Variants in RUNDC3B observed in about 807,000 individuals in gnomAD.
RUNDC3B encodes the protein RUN domain containing 3B, also known as RUN domain-containing protein 3B.
In RUNDC3B, 33 loss-of-function variants were observed where a neutral mutation model predicts 58.4. The observed-to-expected ratio is 0.56, with a 90% CI of 0.43 to 0.75. RUNDC3B has a LOEUF of 0.75. Among genes scored for constraint, RUNDC3B ranks in the 30% least tolerant of loss-of-function variants. RUNDC3B has a pLI of 0.00. For missense variants in RUNDC3B, 501 were observed against 535.7 expected, an observed-to-expected ratio of 0.94 and a Z score of 0.64; for synonymous variants, 193 against 195.2, an observed-to-expected ratio of 0.99 and a Z score of 0.10.
At chr7:87,766,947 T>G (rs1489448683) in intron 6 of RUNDC3B, among the ~76,000 whole-genome samples, 5 of 152,156 alleles carry the variant, frequency 3.3e-5, no homozygotes, top group Non-Finnish European at 7.4e-5. Context: ...TTTTTAATTT[T>G]TTTTCTTTTT....
At chr7:87,783,193 G>A (rs757259578) in intron 8 of RUNDC3B, among the ~76,000 whole-genome samples, 6 of 151,766 alleles carry the variant, frequency 4.0e-5, no homozygotes, top group Non-Finnish European at 8.8e-5. Context: ...GTGTGTGTGT[G>A]TGTATATGAC....
At chr7:87,630,853 T>G (rs932447981) in intron 1 of RUNDC3B, among the ~76,000 whole-genome samples, 1 of 152,132 alleles carries the variant, frequency 6.6e-6, no homozygotes, top group Non-Finnish European at 1.5e-5. Flanking sequence ...CAGAGACAGT[T>G]GAAAAGAAAA....
chr7:87,823,198 G>T (rs1447054354), intron 10 of RUNDC3B, among the ~76,000 whole-genome samples: 3 of 151,864 alleles, frequency 2.0e-5, no homozygotes, highest in Admixed American at 2.0e-4. Flanking sequence ...GCAAACCTCT[G>T]GCCTTCCAAG....
intron 1 of RUNDC3B, 192 bp downstream of exon 1, chr7:87,629,137 G>C (rs1457269600): frequency 1.8e-5 from 8 of 451,190 alleles, no homozygotes. Flanking sequence ...CGCAGCCCTG[G>C]ACTTTGTGTC....
chr7:87,759,854 A>G (rs1477855126), intron 6 of RUNDC3B, among the ~76,000 whole-genome samples: 5 of 151,930 alleles, frequency 3.3e-5, no homozygotes, highest in Non-Finnish European at 1.5e-5. Context: ...TGATTATTAC[A>G]TATTAAATGC....
In RUNDC3B at chr7:87,816,152, A is replaced by T; in HGVS notation, c.1115A>T (p.Gln372Leu). 6.2e-7 allele frequency: 1 copy of T among 1,603,692 alleles called. No homozygotes were observed. Among genetic ancestry groups the T allele is most frequent in the Non-Finnish European group, 8.5e-7 (1 of 1,173,252 alleles). Residue 372 changes from glutamine (Q) to leucine (L), a missense_variant, in exon 10 of 11, where the codon CAA becomes CTA. Coordinates refer to ENST00000394654, the MANE Select transcript of RUNDC3B (RefSeq NM_001134405.2). ...HNKQWYEKSY[Q>L]SLDQLSAEVS... ...TCCTTGCTTTACAGGAAAAGTTATC[A>T]AAGTCTTGACCAGTTATCAGCAGAA...
At chr7:87,715,371 AATT>A (rs1315052195) in intron 4 of RUNDC3B, among the ~76,000 whole-genome samples, 1 of 128,274 alleles carries the variant, frequency 7.8e-6, no homozygotes, top group African/African-American at 3.0e-5. Flanking sequence ...AATTTATAAT[AATT>A]ATATAATCAA....
chr7:87,770,098 T>C (rs1280200410), intron 6 of RUNDC3B, among the ~76,000 whole-genome samples: 1 of 152,036 alleles, frequency 6.6e-6, no homozygotes, highest in Non-Finnish European at 1.5e-5. Flanking sequence ...TGTTGTTATC[T>C]TCTCTTTGCT....
intron 4 of RUNDC3B, among the ~76,000 whole-genome samples, chr7:87,736,003 T>C (rs1047274919): frequency 1.3e-5 from 2 of 152,192 alleles, no homozygotes; most frequent in Admixed American, 1.3e-4. Flanking sequence ...AATCTCACAT[T>C]CTTGGCAAGA....
chr7:87,697,728 G>A (rs1215721030), intron 2 of RUNDC3B, among the ~76,000 whole-genome samples: 1 of 152,136 alleles, frequency 6.6e-6, no homozygotes, highest in Admixed American at 6.5e-5. Context: ...GCACATACAT[G>A]ATCACATCTA....
intron 4 of RUNDC3B, among the ~76,000 whole-genome samples, chr7:87,728,039 T>G (rs571368216): frequency 1.3e-5 from 2 of 152,132 alleles, no homozygotes; most frequent in Non-Finnish European, 2.9e-5. Context: ...TTCATCTAAT[T>G]TAAGCATTTG....
intron 2 of RUNDC3B, among the ~76,000 whole-genome samples, chr7:87,685,280 C>G (rs1217111760): frequency 6.6e-6 from 1 of 152,038 alleles, no homozygotes; most frequent in Non-Finnish European, 1.5e-5. Flanking sequence ...ATGCAAAGAG[C>G]TGAACAGATA....
intron 6 of RUNDC3B, among the ~76,000 whole-genome samples, chr7:87,760,905 T>A (rs1264895471): frequency 2.0e-5 from 3 of 151,968 alleles, no homozygotes; most frequent in African/African-American, 7.2e-5. Flanking sequence ...AAATTTTTCA[T>A]AACCCTGAGT....
Position 87,654,163 on chromosome 7 carries a change from C to T in RUNDC3B, c.238+3226C>T, listed in dbSNP as rs78969207. On this transcript the variant is annotated intron_variant, in intron 2 of 10. Transcript: ENST00000394654. ...ATGTTTATATTAACAATCTACCCAACATAATCTACAGGTTCACTGAAATCT... is the reference window on the plus strand; with the variant it reads ...ATGTTTATATTAACAATCTACCCAATATAATCTACAGGTTCACTGAAATCT... 7.0e-3 allele frequency among the ~76,000 whole-genome samples: 1,064 copies of T among 151,842 alleles called. 8 individuals are homozygous for T. Among genetic ancestry groups the T allele is most frequent in the East Asian group, 0.049 (254 of 5,180 alleles).
chr7:87,783,294 G>C (rs1005841032), intron 8 of RUNDC3B, among the ~76,000 whole-genome samples: 13 of 152,004 alleles, frequency 8.6e-5, no homozygotes, highest in East Asian at 3.8e-4. Context: ...TTTCTTTAAA[G>C]TATGCTTTAT....
At chr7:87,803,026 CATA>C (rs1836255584) in intron 8 of RUNDC3B, among the ~76,000 whole-genome samples, 1 of 152,042 alleles carries the variant, frequency 6.6e-6, no homozygotes, top group Non-Finnish European at 1.5e-5. Context: ...GTTTAAAAAA[CATA>C]AGAAAAATTA....
intron 4 of RUNDC3B, among the ~76,000 whole-genome samples, chr7:87,718,572 T>C (rs1393641883): frequency 6.6e-6 from 1 of 152,138 alleles, no homozygotes; most frequent in African/African-American, 2.4e-5. Flanking sequence ...GTTAACTCTT[T>C]CTGCACACCA....
intron 8 of RUNDC3B, among the ~76,000 whole-genome samples, chr7:87,795,227 CATCT>C (rs1267438819): frequency 1.3e-5 from 2 of 152,132 alleles, no homozygotes; most frequent in Non-Finnish European, 2.9e-5. Flanking sequence ...GCAAACTATC[CATCT>C]GACAAAGGAT....
chr7:87,803,742 T>C (rs1349356090), intron 8 of RUNDC3B, among the ~76,000 whole-genome samples: 1 of 152,212 alleles, frequency 6.6e-6, no homozygotes, highest in Non-Finnish European at 1.5e-5. Context: ...TTACTTGATA[T>C]TCGTTGTGAA....
Sources: gnomAD v4.1 joint callset for allele counts (sites outside exome capture counted in the v4.1 genomes callset) on GRCh38, gnomAD v4.1.1 for gene constraint, MANE v1.5 for transcripts, NCBI Gene and HGNC (gene_info 2026-07-23, HGNC 2026-07-21) for gene names.